The following ZSCAN5B variants were observed in gnomAD, a reference collection of about 807,000 sequenced individuals.
ZSCAN5B encodes zinc finger and SCAN domain-containing protein 5B.
In ZSCAN5B, 26 loss-of-function variants were observed where a neutral mutation model predicts 25.2. The observed-to-expected ratio is 1.03, with a 90% CI of 0.76 to 1.43. ZSCAN5B has a LOEUF of 1.43. ZSCAN5B is among the 40% of genes most tolerant of loss of function. The pLI is 0.00. For synonymous variants in ZSCAN5B, 244 were observed against 240.9 expected, an observed-to-expected ratio of 1.01 and a Z score of -0.12; for missense variants, 745 against 622.1, an observed-to-expected ratio of 1.20 and a Z score of -2.10.
chr19:56,190,579 G>A lies in ZSCAN5B; in HGVS notation c.740-4C>T. On this transcript the variant is annotated splice_polypyrimidine_tract_variant and splice_region_variant and intron_variant, in intron 4 of 4. Coordinates refer to ENST00000586855, the Ensembl canonical transcript of ZSCAN5B. ...CCCTCCTTTGCTCTCACCAGATCTG[G>A]TGGAAGAAGGGATTCCACACACAAC... 1 of 1,609,282 alleles carries A rather than the reference G, an allele frequency of 6.2e-7. No individual in the cohort carries two copies. The highest frequency in any genetic ancestry group is 8.5e-7 in the Non-Finnish European group (1 of 1,179,090).
chr19:56,191,983 G>T lies in ZSCAN5B; in HGVS notation c.455C>A (p.Ala152Asp), dbSNP rs750769570. Reference sequence around the variant, plus strand: ...GTCTCTCGGATCATCTCTGACACTGGCGGGGGCTTCAGCCATCTCGACATC... The same window carrying T: ...GTCTCTCGGATCATCTCTGACACTGTCGGGGGCTTCAGCCATCTCGACATC... The change falls in exon 3 of 5, where the codon GCC becomes GAC. Residue 152 changes from alanine (A) to aspartate (D), a missense_variant. By Grantham distance (126) the Ala-to-Asp change is moderately radical. Coordinates refer to ENST00000586855, the Ensembl canonical transcript of ZSCAN5B. 5 of 1,613,878 alleles carry T rather than the reference G, an allele frequency of 3.1e-6. No individual in the cohort carries two copies. The African/African-American group carries it at 4.0e-5, about 13-fold the overall frequency.
At position 56,195,442 on chromosome 19, in the gene ZSCAN5B, A is replaced by T. The variant is rs554587563; in HGVS notation, c.-127-2263T>A. Among the ~76,000 whole-genome samples, 39 of 151,980 alleles carry T rather than the reference A, an allele frequency of 2.6e-4. No individual in the cohort carries two copies. The East Asian group carries it at 7.1e-3, about 28-fold the overall frequency. On this transcript the variant is annotated intron_variant, in intron 1 of 4. Transcript: ENST00000586855. ...AAATCCAAACCACAAGGCACCCCTC[A>T]CGCCTGCTAGAGTGGCTGTTCCCAA...
chr19:56,194,627 A>G (rs1023363485), intron 1 of ZSCAN5B, among the ~76,000 whole-genome samples: 1 of 151,624 alleles, frequency 6.6e-6, no homozygotes, highest in Admixed American at 6.6e-5. Context: ...TTTTTTATTT[A>G]TGTTTTTTGA....
intron 3 of ZSCAN5B, 31 bp from the exon 4 acceptor site, chr19:56,191,018 C>T (rs1043130445): frequency 1.9e-6 from 3 of 1,613,834 alleles, no homozygotes; most frequent in African/African-American, 2.7e-5. Context: ...GCAATGACTG[C>T]CGTGTCTATA....
At chr19:56,193,281 G>T in intron 1 of ZSCAN5B, 102 bp from the exon 2 acceptor site, 1 of 511,348 alleles carries the variant, frequency 2.0e-6, no homozygotes, top group Non-Finnish European at 3.4e-6. Flanking sequence ...TTGTCCATGG[G>T]CATCGGACTC....
chr19:56,196,522 T>G (rs111833553), intron 1 of ZSCAN5B, among the ~76,000 whole-genome samples: 3 of 152,176 alleles, frequency 2.0e-5, no homozygotes, highest in South Asian at 2.1e-4. Context: ...TATGGCAGTT[T>G]GCTCGATTTA....
intron 2 of ZSCAN5B, 118 bp from the exon 3 acceptor site, chr19:56,192,171 T>A (rs1054558220): frequency 3.0e-6 from 3 of 991,522 alleles, no homozygotes; most frequent in Non-Finnish European, 3.0e-6. Flanking sequence ...TCTACCTTCC[T>A]GATGCAGAAT....
In ZSCAN5B at chr19:56,192,695, G is replaced by C. The variant is rs555339343; in HGVS notation, c.358C>G (p.Arg120Gly). Residue 120 changes from arginine to glycine, a missense_variant, in exon 2 of 5, where the codon CGA becomes GGA. By Grantham distance (125) the Arg-to-Gly change is moderately radical. Transcript: ENST00000586855. ...CATTTCTTGGGTCTTCTGTTATTTC[G>C]TAGCAGGTCCTCCAGGTCTTTGCAG... 9.4e-6 allele frequency: 15 copies of C among 1,590,840 alleles called. No homozygotes were observed. The highest frequency in any genetic ancestry group is 1.7e-5 in the Admixed American group (1 of 58,852).
Position 56,192,056 on chromosome 19 carries a change from G to T in ZSCAN5B, c.385-3C>A. The T allele has an allele frequency of 6.2e-7, 1 of 1,608,414 alleles. No homozygotes were observed. Among genetic ancestry groups the T allele is most frequent in the Non-Finnish European group, 8.5e-7 (1 of 1,177,518 alleles). On this transcript the variant is annotated splice_polypyrimidine_tract_variant and splice_region_variant and intron_variant, in intron 2 of 4. Transcript: ENST00000586855. Reference sequence around the variant, plus strand: ...TTGCCGAGCAAGTTGACTATAGACTGTAGAGAGAAAAAAGACAATCAGACA... The same window carrying T: ...TTGCCGAGCAAGTTGACTATAGACTTTAGAGAGAAAAAAGACAATCAGACA...
exon 5 of ZSCAN5B, chr19:56,190,363 C>G (rs771199766): frequency 6.2e-7 from 1 of 1,614,130 alleles, no homozygotes; most frequent in East Asian, 2.2e-5. Context: ...CTGTTGCCCA[C>G]AGGTGTGGCT....
chr19:56,189,930 G>C (rs371249672), exon 5 of ZSCAN5B: 1 of 1,614,032 alleles, frequency 6.2e-7, no homozygotes, highest in Non-Finnish European at 8.5e-7. Flanking sequence ...CTTCTCTCCG[G>C]AGTGGGTGCG....
chr19:56,194,232 A>G (rs2032778326), intron 1 of ZSCAN5B, among the ~76,000 whole-genome samples: 1 of 151,200 alleles, frequency 6.6e-6, no homozygotes, highest in Non-Finnish European at 1.5e-5. Context: ...TCCTTATCTC[A>G]TTCCATAAAA....
intron 2 of ZSCAN5B, among the ~76,000 whole-genome samples, 196 bp from the exon 3 acceptor site, chr19:56,192,249 A>C (rs962373542): frequency 6.6e-6 from 1 of 152,186 alleles, no homozygotes; most frequent in African/African-American, 2.4e-5. Flanking sequence ...AATATGAGTC[A>C]TTTAGATGAA....
chr19:56,193,837 C>T (rs2032772581), intron 1 of ZSCAN5B, among the ~76,000 whole-genome samples: 1 of 151,882 alleles, frequency 6.6e-6, no homozygotes, highest in Non-Finnish European at 1.5e-5. Context: ...TGGCGGGCGT[C>T]TGTAGTCCCA....
rs772396860 is a variant in ZSCAN5B, at chr19:56,190,051, G to T, written c.1264C>A (p.His422Asn). The T allele has an allele frequency of 1.9e-6, 3 of 1,613,936 alleles. No homozygotes were observed. In the South Asian group the frequency reaches 3.3e-5, roughly 18 times the overall value. ...TTGTGGCCCTGTAAGGTGGACTCGTGGGCGAACCGCTTTTGGCAGACGTCA... is the reference window on the plus strand; with the variant it reads ...TTGTGGCCCTGTAAGGTGGACTCGTTGGCGAACCGCTTTTGGCAGACGTCA... The change falls in exon 5 of 5, where the codon CAC (histidine) becomes AAC (asparagine). Residue 422 changes from histidine to asparagine, a missense_variant. His to Asn is a moderately conservative substitution (Grantham distance 68). Coordinates refer to ENST00000586855, the Ensembl canonical transcript of ZSCAN5B.
chr19:56,190,285 G>A (rs1370248612), exon 5 of ZSCAN5B: 1 of 1,614,080 alleles, frequency 6.2e-7, no homozygotes, highest in Non-Finnish European at 8.5e-7. Flanking sequence ...TGGCCATCTG[G>A]GTGACTGACC....
At chr19:56,192,018 C>A (rs1364026855) in exon 3 of ZSCAN5B, 1 of 1,613,598 alleles carries the variant, frequency 6.2e-7, no homozygotes, top group Non-Finnish European at 8.5e-7. Context: ...CTGAGTTCAG[C>A]ATAAGATATT....
At chr19:56,190,355 G>A (rs200312845) in exon 5 of ZSCAN5B, 13 of 1,614,154 alleles carry the variant, frequency 8.1e-6, no homozygotes, top group South Asian at 2.2e-5. Flanking sequence ...GGGATTCTCT[G>A]TTGCCCACAG....
At chr19:56,192,816 G>C in exon 2 of ZSCAN5B, 1 of 1,612,912 alleles carries the variant, frequency 6.2e-7, no homozygotes, top group Non-Finnish European at 8.5e-7. Flanking sequence ...TCTGCTCTTT[G>C]GTGTGGAGGT....
Sources: allele counts gnomAD v4.1 joint callset (sites outside exome capture counted in the v4.1 genomes callset), GRCh38; gene constraint gnomAD v4.1.1; transcripts MANE v1.5; gene names NCBI Gene and HGNC (gene_info 2026-07-23, HGNC 2026-07-21).